Variants in PPIP5K2 observed in about 807,000 individuals in gnomAD.
PPIP5K2 encodes the protein inositol hexakisphosphate and diphosphoinositol-pentakisphosphate kinase 2.
PPIP5K2 carries 105 observed loss-of-function variants against 154.6 expected under a neutral mutation model. That is an observed-to-expected ratio of 0.68 (90% CI 0.58 to 0.80). PPIP5K2 has a LOEUF of 0.80. PPIP5K2 is among the 30% of genes least tolerant of loss of function. The pLI, the probability that PPIP5K2 is intolerant of heterozygous loss-of-function variation, is 0.00. For missense variants in PPIP5K2, 992 were observed against 1,504.6 expected, an observed-to-expected ratio of 0.66 and a Z score of 5.64; for synonymous variants, 480 against 490.3, an observed-to-expected ratio of 0.98 and a Z score of 0.28.
At chr5:103,148,800 T>C (rs889015497) in intron 7 of PPIP5K2, among the ~76,000 whole-genome samples, 1 of 145,534 alleles carries the variant, frequency 6.9e-6, no homozygotes, top group East Asian at 2.0e-4. Context: ...TTTTGGAAGG[T>C]TTTTTTTTTC....
chr5:103,172,397 G>A (rs1024934163), intron 19 of PPIP5K2, among the ~76,000 whole-genome samples: 22 of 150,878 alleles, frequency 1.5e-4, no homozygotes, highest in Middle Eastern at 3.4e-3. Flanking sequence ...GTATCTAGTA[G>A]CAGGAAATAG....
intron 2 of PPIP5K2, among the ~76,000 whole-genome samples, chr5:103,131,841 G>T (rs896344527): frequency 6.6e-6 from 1 of 152,094 alleles, no homozygotes; most frequent in Middle Eastern, 3.2e-3. Context: ...GAAACTCTGC[G>T]ATTGTGCCTT....
Position 103,130,763 on chromosome 5 carries a change from T to C in PPIP5K2, c.114+1060T>C, listed in dbSNP as rs569225610. Among the ~76,000 whole-genome samples the C allele has an allele frequency of 2.6e-5, 4 of 152,160 alleles. No individual in the cohort carries two copies. In the South Asian group the frequency reaches 8.3e-4, roughly 32 times the overall value. On this transcript the variant is annotated intron_variant, in intron 2 of 30. Transcript: ENST00000358359. Reference sequence around the variant, plus strand: ...CAGAGCGTCTCTGGCTCACTTAAACTAGAAAGCACTATTGACTCAGCCTCT... The same window carrying C: ...CAGAGCGTCTCTGGCTCACTTAAACCAGAAAGCACTATTGACTCAGCCTCT...
In PPIP5K2 at chr5:103,155,956, T is replaced by C. The variant is rs781923258; in HGVS notation, c.1451T>C (p.Leu484Pro). ...AATCGTAAGGTTCAGTTGACCTATC[T>C]CCCTCATGGTTGTCCTAAAACATCT... ...GINRKVQLTY[L>P]PHGCPKTSSE... Residue 484 changes from leucine to proline, a missense_variant, in exon 14 of 31, where the codon CTC becomes CCC. Leu to Pro is a moderately conservative substitution (Grantham distance 98, BLOSUM62 -3). Around this residue, in one of 9 missense-constraint regions of PPIP5K2, gnomAD observed 163 missense variants for 285.2 expected, o/e 0.57. Transcript: ENST00000358359. The C allele has an allele frequency of 6.2e-7, 1 of 1,604,616 alleles. No homozygotes were observed. Among genetic ancestry groups the C allele is most frequent in the South Asian group, 1.1e-5 (1 of 90,862 alleles).
At chr5:103,141,433 G>A (rs2149508828) in intron 5 of PPIP5K2, among the ~76,000 whole-genome samples, 1 of 152,150 alleles carries the variant, frequency 6.6e-6, no homozygotes, top group East Asian at 1.9e-4. Context: ...GTCTTGCTGG[G>A]CTCAGGTGTG....
At chr5:103,191,436 A>G (rs547987408) in intron 29 of PPIP5K2, among the ~76,000 whole-genome samples, 4 of 152,144 alleles carry the variant, frequency 2.6e-5, no homozygotes, top group South Asian at 2.1e-4. Flanking sequence ...TAGGACAACA[A>G]TTTTTCAAAT....
chr5:103,184,285 T>A, intron 25 of PPIP5K2: 1 of 163,748 alleles, frequency 6.1e-6, no homozygotes, highest in Non-Finnish European at 1.3e-5. Context: ...AATTGTATGG[T>A]GATCTCAAGA....
intron 3 of PPIP5K2, 30 bp downstream of exon 3, chr5:103,133,678 T>A: frequency 6.7e-7 from 1 of 1,494,902 alleles, no homozygotes; most frequent in Non-Finnish European, 9.0e-7. Context: ...AGAAACTCCT[T>A]TATCCTCTCT....
intron 27 of PPIP5K2, among the ~76,000 whole-genome samples, chr5:103,186,838 T>C (rs1220695277): frequency 6.6e-6 from 1 of 152,186 alleles, no homozygotes; most frequent in African/African-American, 2.4e-5. Context: ...CAATATCATA[T>C]TGGCAATATT....
At chr5:103,125,046 A>G (rs1174967116) in intron 1 of PPIP5K2, among the ~76,000 whole-genome samples, 11 of 152,204 alleles carry the variant, frequency 7.2e-5, no homozygotes, top group African/African-American at 2.2e-4. Flanking sequence ...TCTATTGGAT[A>G]CTTGAGATGT....
intron 3 of PPIP5K2, among the ~76,000 whole-genome samples, chr5:103,134,282 A>G (rs1021451979): frequency 2.6e-5 from 4 of 152,156 alleles, no homozygotes; most frequent in Non-Finnish European, 5.9e-5. Context: ...GTCATTGTAA[A>G]TTCCACTAAT....
chr5:103,134,218 T>G (rs559584819), intron 3 of PPIP5K2, among the ~76,000 whole-genome samples: 70 of 152,274 alleles, frequency 4.6e-4, no homozygotes, highest in Non-Finnish European at 7.6e-4. Context: ...TTTTAGACAT[T>G]CCTTGCTATA....
chr5:103,136,499 C>T (rs1791520835), intron 3 of PPIP5K2, among the ~76,000 whole-genome samples: 1 of 152,058 alleles, frequency 6.6e-6, no homozygotes, highest in South Asian at 2.1e-4. Flanking sequence ...TGTCAGTGCT[C>T]CAAATTTGGT....
intron 17 of PPIP5K2, among the ~76,000 whole-genome samples, chr5:103,166,906 C>G (rs1797214804): frequency 6.6e-6 from 1 of 151,784 alleles, no homozygotes; most frequent in South Asian, 2.1e-4. Context: ...AGGGGTTAGT[C>G]ATGCTGTCTC....
At chr5:103,136,878 C>T (rs921732424) in intron 4 of PPIP5K2, 56 bp downstream of exon 4, 2 of 1,192,420 alleles carry the variant, frequency 1.7e-6, no homozygotes, top group Admixed American at 3.4e-5. Context: ...AATTTAGTAC[C>T]TACTGTACAC....
At chr5:103,169,466 G>A (rs1797625928) in intron 19 of PPIP5K2, among the ~76,000 whole-genome samples, 2 of 151,712 alleles carry the variant, frequency 1.3e-5, no homozygotes, top group African/African-American at 4.8e-5. Flanking sequence ...TTCATAGACA[G>A]TACAGGAAAA....
intron 29 of PPIP5K2, among the ~76,000 whole-genome samples, chr5:103,191,867 A>G (rs1219580272): frequency 6.6e-6 from 1 of 152,020 alleles, no homozygotes; most frequent in Admixed American, 6.6e-5. Context: ...TTCTAGTCAT[A>G]TCTTAGAAAG....
intron 24 of PPIP5K2, among the ~76,000 whole-genome samples, chr5:103,180,456 C>CTT (rs1222824379): frequency 1.3e-5 from 2 of 150,422 alleles, no homozygotes; most frequent in South Asian, 4.2e-4. Context: ...AAAATGAATG[C>CTT]TTTTTTTTTG....
Position 103,147,805 on chromosome 5 carries a change from G to T in PPIP5K2, c.643-126G>T, listed in dbSNP as rs372036544. 112 of 615,414 alleles carry T rather than the reference G, an allele frequency of 1.8e-4. 1 individual carries two copies. The East Asian group carries it at 2.1e-3, about 12-fold the overall frequency. 38.1% of individuals were successfully genotyped at this position (615,414 alleles called of 1,614,324 possible). A position where few individuals can be genotyped will look rare whatever the true frequency, so the allele number is the denominator to read the frequency against. ...TAGTAAGTTTTGTTAAATATTTGTG[G>T]ATTAAAAAATGTATTTGAAAATGTC... On this transcript the variant is annotated intron_variant, in intron 6 of 30. Transcript: ENST00000358359.
Sources: allele counts gnomAD v4.1 joint callset (sites outside exome capture counted in the v4.1 genomes callset), GRCh38; gene constraint gnomAD v4.1.1; regional missense constraint gnomAD v4.1.1; transcripts MANE v1.5; gene names NCBI Gene and HGNC (gene_info 2026-07-23, HGNC 2026-07-21).